Variants in WIPF3 observed in about 807,000 individuals in gnomAD.
WIPF3 encodes the protein WAS/WASL-interacting protein family member 3.
WIPF3 carries 33 observed loss-of-function variants against 38.9 expected under a neutral mutation model. The ratio of observed to expected loss-of-function variants is 0.85; its 90% confidence interval spans 0.64 to 1.14. The LOEUF is 1.14. WIPF3 is among the 50% of genes most tolerant of loss of function. The probability of loss-of-function intolerance (pLI) is 0.00; values close to 1 mark genes in which losing one functional copy is unlikely to be tolerated. For missense variants in WIPF3, 711 were observed against 652.5 expected (o/e 1.09, Z -0.98); for synonymous variants, 324 against 269.3 (o/e 1.20, Z -1.99).
chr7:29,874,495 G>T (rs953460601), intron 2 of WIPF3, among the ~76,000 whole-genome samples: 16 of 152,196 alleles, frequency 1.1e-4, no homozygotes, highest in African/African-American at 3.6e-4. Context: ...ATTTAGATTT[G>T]GGGTCAGAAA....
rs1363707322 is a variant in WIPF3, at chr7:29,912,809, T to C, written c.1429-1684T>C. Among the ~76,000 whole-genome samples, 5 of 152,304 alleles carry C rather than the reference T, an allele frequency of 3.3e-5. No homozygotes were observed. The East Asian group carries it at 7.7e-4, about 23-fold the overall frequency. ...TTTGAGAACATTATTCTAAGTGAAA[T>C]AAGCCACTCACAAAAGACAGACACC... On this transcript the variant is annotated intron_variant, in intron 8 of 8. Transcript: ENST00000242140.
intron 1 of WIPF3, among the ~76,000 whole-genome samples, chr7:29,811,443 G>GT (rs1784376550): frequency 6.6e-6 from 1 of 152,162 alleles, no homozygotes; most frequent in Non-Finnish European, 1.5e-5. Context: ...AAAATCAGAG[G>GT]TAATTTACAG....
intron 1 of WIPF3, among the ~76,000 whole-genome samples, chr7:29,833,019 T>A (rs564930959): frequency 2.6e-4 from 40 of 152,300 alleles, no homozygotes; most frequent in Non-Finnish European, 4.4e-4. Flanking sequence ...TGCTACAACA[T>A]GAATGAAAGT....
At chr7:29,900,383 A>G (rs1786249926) in intron 7 of WIPF3, among the ~76,000 whole-genome samples, 2 of 152,222 alleles carry the variant, frequency 1.3e-5, no homozygotes, top group South Asian at 2.1e-4. Flanking sequence ...GCAAGTTGTC[A>G]GGAGAGAGAA....
chr7:29,819,960 C>A (rs1035408878), intron 1 of WIPF3, among the ~76,000 whole-genome samples: 2 of 152,014 alleles, frequency 1.3e-5, no homozygotes, highest in African/African-American at 4.8e-5. Flanking sequence ...AGTTTAGGGA[C>A]ACTTTAATAT....
At position 29,884,013 on chromosome 7, in the gene WIPF3, C is replaced by T; in HGVS notation, c.519C>T (p.Ala173=). 1 of 1,339,412 alleles carries T rather than the reference C, an allele frequency of 7.5e-7. No homozygotes were observed. The highest frequency in any genetic ancestry group is 9.8e-7 in the Non-Finnish European group (1 of 1,015,832). 83.0% of individuals were successfully genotyped at this position (1,339,412 alleles called of 1,614,324 possible). A position where few individuals can be genotyped will look rare whatever the true frequency, so the allele number is the denominator to read the frequency against. ...CCCCGCCTCGCCCCAACGTGCCTGCCCCGCCCCCTCCCACCCCACCCCCTC... is the reference window on the plus strand; with the variant it reads ...CCCCGCCTCGCCCCAACGTGCCTGCTCCGCCCCCTCCCACCCCACCCCCTC... ...RTAPPRPNVP[A]PPPPTPPPPP... Residue 173 remains alanine, a synonymous_variant, in exon 5 of 9, where the codon GCC becomes GCT. Transcript: ENST00000242140.
intron 2 of WIPF3, among the ~76,000 whole-genome samples, chr7:29,869,827 G>C (rs1286676294): frequency 6.6e-6 from 1 of 152,154 alleles, no homozygotes; most frequent in African/African-American, 2.4e-5. Context: ...AGTTAGGAAG[G>C]GATTGGCACA....
At chr7:29,861,546 T>C (rs963488743) in intron 2 of WIPF3, among the ~76,000 whole-genome samples, 5 of 152,240 alleles carry the variant, frequency 3.3e-5, no homozygotes, top group African/African-American at 1.2e-4. Flanking sequence ...TTATACTACC[T>C]TCTATTTGCC....
intron 8 of WIPF3, among the ~76,000 whole-genome samples, chr7:29,912,274 T>C (rs1786518925): frequency 6.6e-6 from 1 of 152,040 alleles, no homozygotes; most frequent in Non-Finnish European, 1.5e-5. Context: ...CAAAACAAAA[T>C]AACAAGTGGT....
chr7:29,855,946 T>C (rs1247161942), intron 2 of WIPF3, among the ~76,000 whole-genome samples: 1 of 152,220 alleles, frequency 6.6e-6, no homozygotes, highest in Non-Finnish European at 1.5e-5. Flanking sequence ...TTATTTGTTG[T>C]TTATCTGAAA....
intron 2 of WIPF3, among the ~76,000 whole-genome samples, chr7:29,841,272 G>T (rs1168950102): frequency 6.6e-6 from 1 of 152,146 alleles, no homozygotes; most frequent in East Asian, 1.9e-4. Flanking sequence ...GGGAAATTAG[G>T]CTAAACATTT....
At chr7:29,807,250 C>A (rs1362891750) in intron 1 of WIPF3, among the ~76,000 whole-genome samples, 1 of 152,176 alleles carries the variant, frequency 6.6e-6, no homozygotes, top group Non-Finnish European at 1.5e-5. Context: ...CAAGGTCACA[C>A]AGCTCATGGG....
intron 8 of WIPF3, among the ~76,000 whole-genome samples, chr7:29,909,771 C>T (rs1025748071): frequency 6.6e-6 from 1 of 151,914 alleles, no homozygotes; most frequent in African/African-American, 2.4e-5. Flanking sequence ...TGGTGCGTGG[C>T]TGTAGTCTAG....
intron 2 of WIPF3, among the ~76,000 whole-genome samples, chr7:29,835,118 T>C (rs1387499525): frequency 6.6e-6 from 1 of 152,016 alleles, no homozygotes; most frequent in African/African-American, 2.4e-5. Flanking sequence ...TCTGTCTCAC[T>C]GGAAACCTCA....
intron 8 of WIPF3, among the ~76,000 whole-genome samples, chr7:29,911,570 A>G (rs1786506090): frequency 6.6e-6 from 1 of 152,184 alleles, no homozygotes; most frequent in Admixed American, 6.5e-5. Flanking sequence ...AGACAGACAT[A>G]TAGACCAATG....
chr7:29,888,995 G>A (rs545668894), intron 6 of WIPF3, among the ~76,000 whole-genome samples: 1 of 152,286 alleles, frequency 6.6e-6, no homozygotes, highest in South Asian at 2.1e-4. Context: ...TCTGGACCCT[G>A]GAGAGCCCCA....
chr7:29,817,178 G>A (rs192328877), intron 1 of WIPF3, among the ~76,000 whole-genome samples: 50 of 152,170 alleles, frequency 3.3e-4, no homozygotes, highest in Admixed American at 1.5e-3. Context: ...GCCTATTTGT[G>A]TATTTTCTAT....
chr7:29,842,869 T>C (rs982275709), intron 2 of WIPF3, among the ~76,000 whole-genome samples: 2 of 152,200 alleles, frequency 1.3e-5, no homozygotes, highest in African/African-American at 4.8e-5. Flanking sequence ...TTTGGAATAA[T>C]GAAAGGCTTA....
intron 7 of WIPF3, among the ~76,000 whole-genome samples, chr7:29,891,087 T>C (rs174985): frequency 1.4e-5 from 1 of 73,374 alleles, no homozygotes; most frequent in African/African-American, 5.6e-5. Context: ...ACACAGGCCT[T>C]CCCTGTGCTC....
Sources: gnomAD v4.1 joint callset for allele counts (sites outside exome capture counted in the v4.1 genomes callset) on GRCh38, gnomAD v4.1.1 for gene constraint, MANE v1.5 for transcripts, NCBI Gene and HGNC (gene_info 2026-07-23, HGNC 2026-07-21) for gene names.